The following APOBEC3G variants were observed in gnomAD, a reference collection of about 807,000 sequenced individuals.
APOBEC3G encodes the protein apolipoprotein B mRNA editing enzyme catalytic subunit 3G.
Under a neutral mutation model 50.0 loss-of-function variants are expected in APOBEC3G, and 44 were observed. That is an observed-to-expected ratio of 0.88 (90% CI 0.69 to 1.13). APOBEC3G has a LOEUF of 1.13. Among genes scored for constraint, APOBEC3G ranks in the 50% most tolerant of loss-of-function variants. APOBEC3G has a pLI of 0.00. For missense variants in APOBEC3G, 469 were observed against 492.0 expected (o/e 0.95, Z 0.44); for synonymous variants, 156 against 175.3 (o/e 0.89, Z 0.87).
At position 39,087,143 on chromosome 22, in the gene APOBEC3G, T is replaced by A. The variant is rs998115571; in HGVS notation, c.1140+17T>A. 6.2e-7 allele frequency: 1 copy of A among 1,614,010 alleles called. No individual in the cohort carries two copies. The highest frequency in any genetic ancestry group is 8.5e-7 in the Non-Finnish European group (1 of 1,179,972). ...ATTCTCCAGGTGAGGGCTTCTTCCC[T>A]CTGCCCAGTGCCCCATCGGCCTCCC... On this transcript the variant is annotated intron_variant, in intron 7 of 7. Coordinates refer to ENST00000407997, the MANE Select transcript of APOBEC3G (RefSeq NM_021822.4).
Position 39,081,035 on chromosome 22 carries a change from A to T in APOBEC3G, c.274A>T (p.Ile92Leu). 6.2e-7 allele frequency: 1 copy of T among 1,614,152 alleles called. No individual in the cohort carries two copies. Reference protein sequence around the residue: ...RDQEYEVTWYISWSPCTKCTR... With the variant: ...RDQEYEVTWYLSWSPCTKCTR... ...CCAGGAGTATGAGGTCACCTGGTACATATCCTGGAGCCCCTGCACAAAGTG... is the reference window on the plus strand; with the variant it reads ...CCAGGAGTATGAGGTCACCTGGTACTTATCCTGGAGCCCCTGCACAAAGTG... Residue 92 changes from isoleucine to leucine, a missense_variant, in exon 3 of 8, where the codon ATA (isoleucine) becomes TTA (leucine). Transcript: ENST00000407997.
intron 5 of APOBEC3G, among the ~76,000 whole-genome samples, chr22:39,084,205 G>A (rs1601523758): frequency 6.6e-6 from 1 of 152,146 alleles, no homozygotes; most frequent in Admixed American, 6.5e-5. Flanking sequence ...GAGGAAAAGG[G>A]TCTGCACCAG....
chr22:39,081,482 T>C lies in APOBEC3G; in HGVS notation c.478T>C (p.Cys160Arg). The C allele has an allele frequency of 6.2e-7, 1 of 1,614,152 alleles. No homozygotes were observed. Among genetic ancestry groups the C allele is most frequent in the Non-Finnish European group, 8.5e-7 (1 of 1,179,986 alleles). The change falls in exon 4 of 8, where the codon TGT (cysteine) becomes CGT (arginine). Residue 160 changes from cysteine (C) to arginine (R), a missense_variant. Transcript: ENST00000407997. ...CTTCTTTTTCTTAGAATTTCAGCACTGTTGGAGCAAGTTCGTGTACAGCCA... is the reference window on the plus strand; with the variant it reads ...CTTCTTTTTCTTAGAATTTCAGCACCGTTGGAGCAAGTTCGTGTACAGCCA... ...KIMNYDEFQH[C>R]WSKFVYSQRE...
At chr22:39,077,224 A>G, upstream of APOBEC3G, 1 of 1,459,494 alleles carries the variant, frequency 6.9e-7, no homozygotes, top group Non-Finnish European at 9.4e-7. Context: ...GCGCCTGAGC[A>G]GGAAGCGGGA....
At chr22:39,079,515 G>A (rs1241476674) in intron 2 of APOBEC3G, 1 of 160,782 alleles carries the variant, frequency 6.2e-6, no homozygotes, top group Non-Finnish European at 1.4e-5. Context: ...TACAGATGGG[G>A]TTTCACCATA....
At chr22:39,081,280 T>C in intron 3 of APOBEC3G, 53 bp downstream of exon 3, 1 of 1,590,440 alleles carries the variant, frequency 6.3e-7, no homozygotes, top group Non-Finnish European at 8.6e-7. Flanking sequence ...GTGTCTGTGA[T>C]GGGTCCTTCC....
Position 39,081,110 on chromosome 22 carries a change from A to T in APOBEC3G, c.349A>T (p.Thr117Ser). 6.2e-7 allele frequency: 1 copy of T among 1,614,194 alleles called. No individual in the cohort carries two copies. The highest frequency in any genetic ancestry group is 8.5e-7 in the Non-Finnish European group (1 of 1,180,024). The change falls in exon 3 of 8, where the codon ACC becomes TCC. Residue 117 changes from threonine (T) to serine (S), a missense_variant. Thr to Ser is a moderately conservative substitution (Grantham distance 58, BLOSUM62 1). Transcript: ENST00000407997. Reference protein sequence around the residue: ...FLAEDPKVTLTIFVARLYYFW... With the variant: ...FLAEDPKVTLSIFVARLYYFW... ...GGCCGAGGACCCGAAGGTTACCCTG[A>T]CCATCTTTGTTGCCCGCCTCTACTA...
At chr22:39,078,265 A>G (rs1928252617) in intron 1 of APOBEC3G, among the ~76,000 whole-genome samples, 1 of 140,300 alleles carries the variant, frequency 7.1e-6, no homozygotes, top group Non-Finnish European at 1.6e-5. Context: ...GTCTTGAAAG[A>G]AAAAAAAACA....
intron 5 of APOBEC3G, among the ~76,000 whole-genome samples, chr22:39,084,222 G>A (rs1429685361): frequency 6.6e-6 from 1 of 152,164 alleles, no homozygotes; most frequent in Admixed American, 6.5e-5. Context: ...CCAGGGCCAA[G>A]TGGGATCAAA....
In APOBEC3G at chr22:39,079,010, C is replaced by G. The variant is rs759615077; in HGVS notation, c.96C>G (p.Thr32=). ...YNRPILSRRN[T]VWLCYEVKTK... ...GACCCATCCTTTCTCGTCGGAATAC[C>G]GTCTGGCTGTGCTACGAAGTGAAAA... The change falls in exon 2 of 8, where the codon ACC becomes ACG. Residue 32 remains threonine, a synonymous_variant. Transcript: ENST00000407997. 1.2e-5 allele frequency: 19 copies of G among 1,614,196 alleles called. No homozygotes were observed. Among genetic ancestry groups the G allele is most frequent in the East Asian group, 6.7e-5 (3 of 44,882 alleles).
Position 39,086,515 on chromosome 22 carries a change from G to T in APOBEC3G, c.972G>T (p.Gly324=), listed in dbSNP as rs947635898. 7 of 1,613,248 alleles carry T rather than the reference G, an allele frequency of 4.3e-6. No homozygotes were observed. The highest frequency in any genetic ancestry group is 5.9e-6 in the Non-Finnish European group (7 of 1,179,352). The change falls in exon 6 of 8, where the codon GGG becomes GGT. Residue 324 remains glycine (G), a synonymous_variant. Coordinates refer to ENST00000407997, the MANE Select transcript of APOBEC3G (RefSeq NM_021822.4). ...IYDDQGRCQE[G]LRTLAEAGAK... ...ATGATCAAGGAAGATGTCAGGAGGG[G>T]CTGCGCACCCTGGCCGAGGCTGGGG... is the stretch of plus-strand genomic sequence containing the variant.
Position 39,086,370 on chromosome 22 carries a change from A to G in APOBEC3G, c.827A>G (p.Asp276Gly). 1 of 1,614,078 alleles carries G rather than the reference A, an allele frequency of 6.2e-7. No homozygotes were observed. Among genetic ancestry groups the G allele is most frequent in the Non-Finnish European group, 8.5e-7 (1 of 1,179,998 alleles). Residue 276 changes from aspartate to glycine, a missense_variant, in exon 6 of 8, where the codon GAC (aspartate) becomes GGC (glycine). By Grantham distance (94) the Asp-to-Gly change is moderately conservative (BLOSUM62 -1). Transcript: ENST00000407997. ...TTTTGGAAGCTGGACCTGGACCAGGACTACAGGGTTACCTGCTTCACCTCC... is the reference window on the plus strand; with the variant it reads ...TTTTGGAAGCTGGACCTGGACCAGGGCTACAGGGTTACCTGCTTCACCTCC... ...IPFWKLDLDQ[D>G]YRVTCFTSWS...
chr22:39,084,941 C>G (rs1201586995), intron 5 of APOBEC3G, among the ~76,000 whole-genome samples: 1 of 152,168 alleles, frequency 6.6e-6, no homozygotes, highest in Non-Finnish European at 1.5e-5. Context: ...CCTCTGGGCT[C>G]TATGAGCTTA....
chr22:39,081,703 C>A, intron 4 of APOBEC3G, 118 bp downstream of exon 4: 1 of 760,400 alleles, frequency 1.3e-6, no homozygotes. Flanking sequence ...TGCCTTCCCT[C>A]CTGCCCCCTG....
At chr22:39,079,190 T>G in intron 2 of APOBEC3G, 105 bp downstream of exon 2, 1 of 1,409,978 alleles carries the variant, frequency 7.1e-7, no homozygotes. Flanking sequence ...ATCCAGTGTG[T>G]CCTTCTCTCC....
chr22:39,086,944 C>T, intron 6 of APOBEC3G, 67 bp from the exon 7 acceptor site: 2 of 1,535,562 alleles, frequency 1.3e-6, no homozygotes, highest in East Asian at 2.3e-5. Flanking sequence ...TCTTGAGAGT[C>T]ATGGGCCTTT....
chr22:39,078,517 G>C (rs1167240077), intron 1 of APOBEC3G: 1 of 163,888 alleles, frequency 6.1e-6, no homozygotes. Flanking sequence ...TCTGTAAGAC[G>C]GGAATGGCCC....
chr22:39,086,191 C>G (rs752067603), intron 5 of APOBEC3G, 88 bp from the exon 6 acceptor site: 10 of 1,422,380 alleles, frequency 7.0e-6, no homozygotes, highest in Non-Finnish European at 7.6e-6. Context: ...GTAATCCTAG[C>G]TACTTGTACA....
Position 39,077,716 on chromosome 22 carries a change from T to C in APOBEC3G, c.17+338T>C, listed in dbSNP as rs544177130. 3.9e-5 allele frequency among the ~76,000 whole-genome samples: 6 copies of C among 152,322 alleles called. No individual in the cohort carries two copies. The East Asian group carries it at 7.7e-4, about 20-fold the overall frequency. Reference sequence around the variant, plus strand: ...TTCCTGAACTCTGGAACTGGGAGAATTGAACCAAAGGATGAGTAGAGCAAG... The same window carrying C: ...TTCCTGAACTCTGGAACTGGGAGAACTGAACCAAAGGATGAGTAGAGCAAG... On this transcript the variant is annotated intron_variant, in intron 1 of 7. Coordinates refer to ENST00000407997, the MANE Select transcript of APOBEC3G (RefSeq NM_021822.4).
Sources: gnomAD v4.1 joint callset for allele counts (sites outside exome capture counted in the v4.1 genomes callset) on GRCh38, gnomAD v4.1.1 for gene constraint, MANE v1.5 for transcripts, NCBI Gene and HGNC (gene_info 2026-07-23, HGNC 2026-07-21) for gene names.